The following ZNF331 variants were observed in gnomAD, a reference collection of about 807,000 sequenced individuals.
ZNF331 encodes the protein C2H2-like zinc finger protein rearranged in thyroid adenomas.
A neutral mutation model predicts 7.0 loss-of-function variants in ZNF331; 2 were observed. The observed-to-expected ratio is 0.29, with a 90% CI of 0.12 to 0.90. The LOEUF (loss-of-function observed/expected upper bound fraction) is 0.90. Among genes scored for constraint, ZNF331 ranks in the 40% least tolerant of loss-of-function variants. ZNF331 has a pLI of 0.58. For synonymous variants in ZNF331, 196 were observed against 205.4 expected (o/e 0.95, Z 0.39); for missense variants, 432 against 587.7 (o/e 0.74, Z 2.74).
At position 53,573,718 on chromosome 19, in the gene ZNF331, C is replaced by T. The variant is rs1414869736; in HGVS notation, c.136+1988C>T. ...TCCTGGGCTAAAGGAATCCACCCAC[C>T]TCAGCCTTCCAAAGAGGCTGGATTA... On this transcript the variant is annotated intron_variant, in intron 5 of 5. Transcript: ENST00000449416. This position sits in a 1 kb window ranked among gnomAD's most constrained non-coding sequence, Gnocchi z 4.2. 1.3e-5 allele frequency among the ~76,000 whole-genome samples: 2 copies of T among 152,146 alleles called. No individual in the cohort carries two copies. Among genetic ancestry groups the T allele is most frequent in the East Asian group, 1.9e-4 (1 of 5,194 alleles).
chr19:53,525,060 A>C (rs1433437095), intron 2 of ZNF331, among the ~76,000 whole-genome samples: 1 of 152,166 alleles, frequency 6.6e-6, no homozygotes, highest in African/African-American at 2.4e-5. Flanking sequence ...GGTTTGTCAA[A>C]GATCAGATGG....
At chr19:53,548,264 C>T (rs1011722104) in intron 2 of ZNF331, among the ~76,000 whole-genome samples, 5 of 151,832 alleles carry the variant, frequency 3.3e-5, no homozygotes, top group Non-Finnish European at 7.4e-5. Flanking sequence ...CGTGCCACCA[C>T]GCCCGGCTAA....
chr19:53,561,485 A>G (rs2089884852), intron 3 of ZNF331, among the ~76,000 whole-genome samples: 1 of 152,116 alleles, frequency 6.6e-6, no homozygotes, highest in Non-Finnish European at 1.5e-5. Flanking sequence ...GCCCTTAAGC[A>G]GGTATGTGTT....
intron 2 of ZNF331, among the ~76,000 whole-genome samples, chr19:53,542,876 C>G (rs557433188): frequency 6.6e-6 from 1 of 152,204 alleles, no homozygotes; most frequent in Non-Finnish European, 1.5e-5. Context: ...ATGGCGCAAT[C>G]GCGGCTCACC....
At chr19:53,503,960 T>G in the ZNF331 span, 1 of 608,846 alleles carries the variant, frequency 1.6e-6, no homozygotes, top group Non-Finnish European at 3.0e-6. Flanking sequence ...GTGATCTGCC[T>G]GGGGCTCATG....
chr19:53,552,911 A>G (rs934249220), intron 2 of ZNF331, among the ~76,000 whole-genome samples: 10 of 152,102 alleles, frequency 6.6e-5, no homozygotes, highest in Admixed American at 1.3e-4. Context: ...TATTATCCCA[A>G]TTTTACTAGT....
At chr19:53,510,867 A>T in the ZNF331 span, among the ~76,000 whole-genome samples, 1 of 152,166 alleles carries the variant, frequency 6.6e-6, no homozygotes, top group African/African-American at 2.4e-5. Context: ...TATACATTTA[A>T]CATATTTGTT....
chr19:53,535,810 T>C (rs1035110110), upstream of ZNF331, among the ~76,000 whole-genome samples: 1 of 151,964 alleles, frequency 6.6e-6, no homozygotes, highest in Non-Finnish European at 1.5e-5. Context: ...ACTTTTTTTT[T>C]TTTTTTCTTT....
At position 53,571,801 on chromosome 19, in the gene ZNF331, C is replaced by A; in HGVS notation, c.136+71C>A. On this transcript the variant is annotated intron_variant, in intron 5 of 5. Coordinates refer to ENST00000449416, the MANE Select transcript of ZNF331 (RefSeq NM_001079906.2). This position sits in a 1 kb window ranked among gnomAD's most constrained non-coding sequence, Gnocchi z 4.7. ...CGCTCTCCCCTGTGAATTTCAGGAC[C>A]GCCTTTCAAGAAACTAGTTGAATTT... The A allele has an allele frequency of 6.6e-7, 1 of 1,513,364 alleles. No individual in the cohort carries two copies. Among genetic ancestry groups the A allele is most frequent in the Non-Finnish European group, 8.9e-7 (1 of 1,128,522 alleles). The allele number at this position is 1,513,364 out of a possible 1,614,324, so 93.7% of individuals were successfully genotyped here. A position where few individuals can be genotyped will look rare whatever the true frequency, so the allele number is the denominator to read the frequency against.
In ZNF331 at chr19:53,577,586, C is replaced by T. The variant is rs200192910; in HGVS notation, c.1026C>T (p.Leu342=). 1.6e-5 allele frequency: 26 copies of T among 1,613,870 alleles called. No homozygotes were observed. The highest frequency in any genetic ancestry group is 1.6e-4 in the East Asian group (7 of 44,878). Reference sequence around the variant, plus strand: ...AGGCCTTTCGCTGGGGTTCGAGCCTCGTTAAGCACGAGAGGATACATACGG... The same window carrying T: ...AGGCCTTTCGCTGGGGTTCGAGCCTTGTTAAGCACGAGAGGATACATACGG... ...CGKAFRWGSS[L]VKHERIHTGE... is the part of the protein sequence containing the mutation. Residue 342 remains leucine (L), a synonymous_variant, in exon 6 of 6, where the codon CTC becomes CTT. Transcript: ENST00000449416.
chr19:53,554,327 G>A (rs539768856), intron 2 of ZNF331, among the ~76,000 whole-genome samples: 1 of 152,322 alleles, frequency 6.6e-6, no homozygotes, highest in African/African-American at 2.4e-5. Context: ...GCGGATCAAG[G>A]TCTGGCCACA....
Position 53,573,649 on chromosome 19 carries a change from C to G in ZNF331, c.136+1919C>G, listed in dbSNP as rs1002688739. On this transcript the variant is annotated intron_variant, in intron 5 of 5. Transcript: ENST00000449416. The surrounding 1 kb of genome is among the most constrained non-coding windows in gnomAD (Gnocchi z 4.2). ...CACCCGGCTAATTGTTGTGTTTTTT[C>G]TTAGAGATGGGATTTCGCCATGTTG... 1.3e-5 allele frequency among the ~76,000 whole-genome samples: 2 copies of G among 151,878 alleles called. No individual in the cohort carries two copies. The highest frequency in any genetic ancestry group is 6.6e-5 in the Admixed American group (1 of 15,230).
the ZNF331 span, among the ~76,000 whole-genome samples, chr19:53,513,073 C>T: frequency 6.6e-6 from 1 of 151,760 alleles, no homozygotes; most frequent in East Asian, 1.9e-4. Flanking sequence ...CTCTCCTCTT[C>T]CTTCTGGACC....
intron 3 of ZNF331, among the ~76,000 whole-genome samples, chr19:53,566,254 C>T (rs2090150233): frequency 6.6e-6 from 1 of 152,116 alleles, no homozygotes; most frequent in African/African-American, 2.4e-5. Context: ...TGTTATCGAC[C>T]AGGGAAGCTC....
At chr19:53,528,750 T>G (rs1422303923) in intron 2 of ZNF331, among the ~76,000 whole-genome samples, 2 of 152,096 alleles carry the variant, frequency 1.3e-5, no homozygotes, top group Non-Finnish European at 2.9e-5. Flanking sequence ...ATATAGCAGA[T>G]CATAATTTAT....
the ZNF331 span, among the ~76,000 whole-genome samples, chr19:53,508,756 C>T: frequency 3.9e-5 from 6 of 152,128 alleles, no homozygotes; most frequent in Non-Finnish European, 7.4e-5. Context: ...CAGCTAAAAG[C>T]GAGTTATGGG....
rs1443940418 is a variant in ZNF331, at chr19:53,546,345, A to T, written c.-138+7063A>T. Among the ~76,000 whole-genome samples the T allele has an allele frequency of 5.9e-5, 9 of 152,104 alleles. No individual in the cohort carries two copies. The South Asian group carries it at 1.9e-3, about 32-fold the overall frequency. ...CTCTTTACTCTTTATGGCCCCAAAT[A>T]TCCTCCCTAATAGCAATTTATCCCA... On this transcript the variant is annotated intron_variant, in intron 2 of 5. Coordinates refer to ENST00000449416, the MANE Select transcript of ZNF331 (RefSeq NM_001079906.2).
chr19:53,572,177 G>A (rs1244877873), intron 5 of ZNF331, among the ~76,000 whole-genome samples: 2 of 152,138 alleles, frequency 1.3e-5, no homozygotes, highest in East Asian at 1.9e-4. Context: ...AACAGAATTT[G>A]TGTAAAACCA....
upstream of ZNF331, among the ~76,000 whole-genome samples, chr19:53,535,101 TA>T (rs2147281897): frequency 6.6e-6 from 1 of 151,932 alleles, no homozygotes; most frequent in East Asian, 1.9e-4. Flanking sequence ...TTTATTTATC[TA>T]TTTATTTATT....
Sources: gnomAD v4.1 joint callset for allele counts (sites outside exome capture counted in the v4.1 genomes callset) on GRCh38, gnomAD v4.1.1 for gene constraint, Gnocchi (gnomAD v3.1) non-coding constraint, MANE v1.5 for transcripts, NCBI Gene and HGNC (gene_info 2026-07-23, HGNC 2026-07-21) for gene names.